The following TRPM8 variants were observed in gnomAD, a reference collection of about 807,000 sequenced individuals.
TRPM8 encodes the protein transient receptor potential cation channel subfamily M member 8.
Under a neutral mutation model 133.7 loss-of-function variants are expected in TRPM8, and 110 were observed. The ratio of observed to expected loss-of-function variants is 0.82; its 90% CI spans 0.70 to 0.96. The LOEUF (loss-of-function observed/expected upper bound fraction) is 0.96. Among genes scored for constraint, TRPM8 ranks in the 40% least tolerant of loss-of-function variants. TRPM8 has a pLI of 0.00. For synonymous variants in TRPM8, 535 were observed against 532.3 expected, an observed-to-expected ratio of 1.01 and a Z score of -0.07; for missense variants, 1,291 against 1,379.5, an observed-to-expected ratio of 0.94 and a Z score of 1.02.
chr2:233,921,642 TTTTTTCTTTTTC>T (rs200901353), intron 1 of TRPM8, among the ~76,000 whole-genome samples: 21 of 150,874 alleles, frequency 1.4e-4, no homozygotes, highest in South Asian at 4.2e-4. Context: ...TTCTTTTCTT[TTTTTTCTTTTTC>T]TTTTTTCTTT....
intron 25 of TRPM8, 130 bp downstream of exon 25, chr2:234,014,784 C>CAAA (rs11422376): frequency 0.15 from 49,778 of 338,754 alleles, 3,348 homozygotes; most frequent in African/African-American, 0.26. Flanking sequence ...ATGCATTGTG[C>CAAA]AAAAAAAAAA....
intron 17 of TRPM8, among the ~76,000 whole-genome samples, chr2:233,972,696 G>A (rs978742500): frequency 4.8e-4 from 73 of 152,334 alleles, no homozygotes; most frequent in African/African-American, 1.6e-3. Flanking sequence ...TACACTCTCC[G>A]CAGCCACTGG....
Position 233,942,693 on chromosome 2 carries a change from C to T in TRPM8, c.644C>T (p.Ala215Val), listed in dbSNP as rs771016203. ...GAGAATATTGTGGCCATTGGCATAG[C>T]AGCTTGGGGCATGGTCTCCAACCGG... ...SEENIVAIGI[A>V]AWGMVSNRDT... The change falls in exon 6 of 26, where the codon GCA (alanine) becomes GTA (valine). Residue 215 changes from alanine (A) to valine (V), a missense_variant. By Grantham distance (64) the Ala-to-Val change is moderately conservative. Around this residue, in one of 2 missense-constraint regions of TRPM8, gnomAD observed 963 missense variants for 968.9 expected, o/e 0.99. Coordinates refer to ENST00000324695, the MANE Select transcript of TRPM8 (RefSeq NM_024080.5). 2.0e-5 allele frequency: 32 copies of T among 1,614,110 alleles called. No individual in the cohort carries two copies. Among genetic ancestry groups the T allele is most frequent in the Non-Finnish European group, 2.5e-5 (30 of 1,180,056 alleles).
At chr2:234,010,350 G>A (rs1037608134) in intron 24 of TRPM8, among the ~76,000 whole-genome samples, 2 of 152,144 alleles carry the variant, frequency 1.3e-5, no homozygotes, top group Admixed American at 6.5e-5. Context: ...TCCATTATAG[G>A]TATGTACCAC....
chr2:233,987,987 T>TTC (rs1692189634), intron 21 of TRPM8, among the ~76,000 whole-genome samples: 1 of 151,780 alleles, frequency 6.6e-6, no homozygotes, highest in African/African-American at 2.4e-5. Context: ...TTTTTTTTTT[T>TTC]CTGTAAATTG....
At chr2:233,941,058 G>A (rs559394443) in intron 5 of TRPM8, among the ~76,000 whole-genome samples, 4 of 152,172 alleles carry the variant, frequency 2.6e-5, no homozygotes, top group South Asian at 2.1e-4. Flanking sequence ...ATTTGTGCAC[G>A]CCCTGTTGAA....
At chr2:233,937,192 G>A (rs941192373) in intron 3 of TRPM8, 161 bp from the exon 4 acceptor site, 13 of 855,562 alleles carry the variant, frequency 1.5e-5, no homozygotes, top group East Asian at 1.4e-4. Context: ...CACCGCACCC[G>A]TCCACATCAA....
intron 21 of TRPM8, among the ~76,000 whole-genome samples, chr2:233,992,961 T>C (rs969150698): frequency 3.3e-5 from 5 of 152,152 alleles, no homozygotes; most frequent in African/African-American, 1.2e-4. Context: ...GGAAAGCAGG[T>C]GGAAGCATCG....
chr2:233,954,460 G>T (rs1691244113), intron 10 of TRPM8, among the ~76,000 whole-genome samples: 1 of 152,174 alleles, frequency 6.6e-6, no homozygotes, highest in Admixed American at 6.5e-5. Flanking sequence ...GCTTATGAAT[G>T]AACCTCAGGT....
intron 21 of TRPM8, among the ~76,000 whole-genome samples, chr2:233,988,863 A>T (rs1002456811): frequency 6.6e-6 from 1 of 152,216 alleles, no homozygotes; most frequent in Non-Finnish European, 1.5e-5. Context: ...GTTATGGGTG[A>T]TTATGTCTCC....
intron 7 of TRPM8, among the ~76,000 whole-genome samples, chr2:233,946,886 G>A (rs946245631): frequency 1.3e-5 from 2 of 152,176 alleles, no homozygotes; most frequent in African/African-American, 2.4e-5. Flanking sequence ...ATTGCAACAT[G>A]ACCCATGTCA....
At chr2:233,918,016 C>T (rs12988953) in intron 1 of TRPM8, among the ~76,000 whole-genome samples, 1 of 152,064 alleles carries the variant, frequency 6.6e-6, no homozygotes, top group Non-Finnish European at 1.5e-5. Flanking sequence ...AAGAGAGAAA[C>T]ACTGAAGGGC....
rs190841665 is a variant in TRPM8 at position 233,935,304 on chromosome 2, A to T, written c.192-2049A>T. Among the ~76,000 whole-genome samples the T allele has an allele frequency of 2.8e-3, 429 of 152,312 alleles. 1 individual carries two copies. The highest frequency in any genetic ancestry group is 3.6e-3 in the Non-Finnish European group (246 of 68,032). On this transcript the variant is annotated intron_variant, in intron 3 of 25. Coordinates refer to ENST00000324695, the MANE Select transcript of TRPM8 (RefSeq NM_024080.5). ...TGCAGGGGATCCTTGCTCCAGAGTCACCATGTATGGTTGCTGGGCTGTGCA... is the reference window on the plus strand; with the variant it reads ...TGCAGGGGATCCTTGCTCCAGAGTCTCCATGTATGGTTGCTGGGCTGTGCA...
chr2:234,015,164 C>T (rs1277649180), intron 25 of TRPM8, among the ~76,000 whole-genome samples: 1 of 152,172 alleles, frequency 6.6e-6, no homozygotes, highest in Non-Finnish European at 1.5e-5. Context: ...TTAACAATAG[C>T]TCTTTTGCAC....
intron 11 of TRPM8, among the ~76,000 whole-genome samples, chr2:233,960,141 G>A (rs2125170795): frequency 6.6e-6 from 1 of 152,284 alleles, no homozygotes; most frequent in South Asian, 2.1e-4. Context: ...CAACAATCAA[G>A]TATTATTGTC....
chr2:234,008,018 T>A, intron 23 of TRPM8, 52 bp from the exon 24 acceptor site: 1 of 1,581,062 alleles, frequency 6.3e-7, no homozygotes, highest in Non-Finnish European at 8.6e-7. Flanking sequence ...AATAGCCCTC[T>A]CTCAATCTGT....
At chr2:234,006,228 T>G (rs1282363568) in intron 22 of TRPM8, among the ~76,000 whole-genome samples, 2 of 152,214 alleles carry the variant, frequency 1.3e-5, no homozygotes, top group African/African-American at 4.8e-5. Context: ...ATAGGTGACA[T>G]GTGGATCTGT....
chr2:233,945,778 A>G, intron 6 of TRPM8, 78 bp from the exon 7 acceptor site: 1 of 1,343,980 alleles, frequency 7.4e-7, no homozygotes, highest in Non-Finnish European at 1.0e-6. Context: ...ATTAGCTTTC[A>G]TATGAATATA....
intron 22 of TRPM8, among the ~76,000 whole-genome samples, chr2:234,002,796 T>C (rs1692601568): frequency 6.6e-6 from 1 of 152,160 alleles, no homozygotes; most frequent in Non-Finnish European, 1.5e-5. Context: ...TCTCTCTGCT[T>C]TTTTTTAAAA....
Sources: gnomAD v4.1 joint callset for allele counts (sites outside exome capture counted in the v4.1 genomes callset) on GRCh38, gnomAD v4.1.1 for gene constraint, gnomAD v4.1.1 regional missense constraint, MANE v1.5 for transcripts, NCBI Gene and HGNC (gene_info 2026-07-23, HGNC 2026-07-21) for gene names.